TJP3: variants seen among roughly 807,000 people sequenced by gnomAD.
TJP3 encodes tight junction protein 3, also known as tight junction protein ZO-3.
Under a neutral mutation model 104.2 loss-of-function variants are expected in TJP3, and 85 were observed. The observed-to-expected ratio is 0.82, with a 90% CI of 0.68 to 0.98. The LOEUF is 0.98. Among genes scored for constraint, TJP3 ranks in the 50% least tolerant of loss-of-function variants. TJP3 has a pLI of 0.00. For missense variants in TJP3, 1,367 were observed against 1,322.8 expected (o/e 1.03, Z -0.52); for synonymous variants, 550 against 550.6 (o/e 1.00, Z 0.02).
chr19:3,710,806 T>A (rs1175237323), intron 1 of TJP3, among the ~76,000 whole-genome samples: 1 of 151,888 alleles, frequency 6.6e-6, no homozygotes, highest in Non-Finnish European at 1.5e-5. Context: ...GGGCGCATAT[T>A]TTGGTGGGGA....
In TJP3 at chr19:3,736,329, G is replaced by A. The variant is rs111484893; in HGVS notation, c.1284+8G>A. ...GGAGATCAGATTCTGCAGGTGCTCC[G>A]GGGGCGGCTGGCCAGCCCCACTGAT... On this transcript the variant is annotated splice_region_variant and intron_variant, in intron 11 of 20. Coordinates refer to ENST00000541714, the MANE Select transcript of TJP3 (RefSeq NM_001267560.2). The A allele has an allele frequency of 1.9e-5, 29 of 1,519,930 alleles. 2 individuals carry two copies. Among genetic ancestry groups the A allele is most frequent in the African/African-American group, 1.5e-4 (11 of 72,116 alleles). The allele number at this position is 1,519,930 out of a possible 1,614,324, so 94.2% of individuals were successfully genotyped here.
In TJP3 at chr19:3,750,585, C is replaced by T. The variant is rs757872739; in HGVS notation, c.2661C>T (p.Thr887=). The change falls in exon 21 of 21, where the codon ACC becomes ACT. Residue 887 remains threonine, a synonymous_variant. Transcript: ENST00000541714. ...QGQWRQDSMR[T]YEREALKKKF... ...TATTCTATTTCCTGATCCCCAGAAC[C>T]TATGAACGGGAAGCCCTGAAGAAAA... The T allele has an allele frequency of 9.4e-6, 15 of 1,602,536 alleles. No individual in the cohort carries two copies. Among genetic ancestry groups the T allele is most frequent in the Non-Finnish European group, 1.1e-5 (13 of 1,174,000 alleles).
chr19:3,717,827 G>A (rs2145666883), intron 1 of TJP3, among the ~76,000 whole-genome samples: 1 of 151,326 alleles, frequency 6.6e-6, no homozygotes, highest in Non-Finnish European at 1.5e-5. Flanking sequence ...ATGACTTACT[G>A]CAGCCTCCAC....
Position 3,716,839 on chromosome 19 carries a change from G to A in TJP3, c.-10+8278G>A, listed in dbSNP as rs536974123. Among the ~76,000 whole-genome samples the A allele has an allele frequency of 6.4e-5, 8 of 124,422 alleles. 1 individual carries two copies. Among genetic ancestry groups the A allele is most frequent in the South Asian group, 2.8e-4 (1 of 3,558 alleles). 81.6% of individuals were successfully genotyped at this position (124,422 alleles called of 152,430 possible). A position where few individuals can be genotyped will look rare whatever the true frequency, so the allele number is the denominator to read the frequency against. The stretch of plus-strand genomic sequence containing the variant: ...TTTTGAAACAGAGTCTCAGTCTGTC[G>A]CCCAGGTTGGAGACAGTGGCACGAT... On this transcript the variant is annotated intron_variant, in intron 1 of 20. Transcript: ENST00000541714.
intron 1 of TJP3, among the ~76,000 whole-genome samples, chr19:3,717,747 A>G (rs2036494790): frequency 6.6e-6 from 1 of 151,782 alleles, no homozygotes; most frequent in Non-Finnish European, 1.5e-5. Context: ...GATATTTTTA[A>G]AAATTTTTGT....
In TJP3 at chr19:3,720,968, CG is replaced by C. The variant is rs564544697; in HGVS notation, c.-9-7455del. Among the ~76,000 whole-genome samples the C allele has an allele frequency of 5.3e-3, 721 of 135,380 alleles. 8 individuals carry two copies. The highest frequency in any genetic ancestry group is 0.019 in the African/African-American group (674 of 35,914). The allele number at this position is 135,380 out of a possible 152,430, so 88.8% of individuals were successfully genotyped here. A position where few individuals can be genotyped will look rare whatever the true frequency, so the allele number is the denominator to read the frequency against. Reference sequence around the variant, plus strand: ...TGTCGCCCAGACTGGAGTGCAGTGGCGTGATATCAGCTCACCGCAACCTCCG... The same window carrying C: ...TGTCGCCCAGACTGGAGTGCAGTGGCTGATATCAGCTCACCGCAACCTCCG... On this transcript the variant is annotated intron_variant, in intron 1 of 20. Transcript: ENST00000541714.
chr19:3,738,672 G>A lies in TJP3; in HGVS notation c.1393+9G>A, dbSNP rs762221045. ...GCAGAGGAAGCAGGACAGTGAGTGC[G>A]CGTGGATATGGGTGTGCCTGTGTGT... is the stretch of plus-strand genomic sequence containing the variant. On this transcript the variant is annotated intron_variant, in intron 12 of 20. Coordinates refer to ENST00000541714, the MANE Select transcript of TJP3 (RefSeq NM_001267560.2). 23 of 1,608,990 alleles carry A rather than the reference G, an allele frequency of 1.4e-5. No homozygotes were observed. Among genetic ancestry groups the A allele is most frequent in the Admixed American group, 5.0e-5 (3 of 59,916 alleles).
chr19:3,727,979 CCT>C (rs1411387559), intron 1 of TJP3, among the ~76,000 whole-genome samples: 4 of 151,584 alleles, frequency 2.6e-5, no homozygotes, highest in Admixed American at 2.0e-4. Flanking sequence ...GTGACTCACC[CCT>C]GTAATCCCAG....
rs2036664054 is a variant in TJP3, at chr19:3,730,964, CGT to C, written c.613+260_613+261del. On this transcript the variant is annotated intron_variant, in intron 5 of 20. Coordinates refer to ENST00000541714, the MANE Select transcript of TJP3 (RefSeq NM_001267560.2). This position sits in a 1 kb window ranked among gnomAD's most constrained non-coding sequence, Gnocchi z 7.3. ...CCATAGTGCTTGCTGGGATTGTGGGCGTGAGCCACCGCGCCCAGCCTGGAAGC... is the reference window on the plus strand; with the variant it reads ...CCATAGTGCTTGCTGGGATTGTGGGCGAGCCACCGCGCCCAGCCTGGAAGC... 6.6e-6 allele frequency among the ~76,000 whole-genome samples: 1 copy of C among 152,096 alleles called. No individual in the cohort carries two copies. The highest frequency in any genetic ancestry group is 2.1e-4 in the South Asian group (1 of 4,830).
rs374009547 is a variant in TJP3, at chr19:3,730,365, G to A, written c.272G>A (p.Arg91His). The A allele has an allele frequency of 3.1e-5, 48 of 1,530,562 alleles. No homozygotes were observed. The highest frequency in any genetic ancestry group is 2.3e-4 in the African/African-American group (17 of 72,660). The allele number at this position is 1,530,562 out of a possible 1,614,324, so 94.8% of individuals were successfully genotyped here. ...CCCCTCCTCTAACAGACAGTGAAAC[G>A]TCCCCGGAGGATCCACCTGCCCGCC... ...CTKMANITVK[R>H]PRRIHLPATK... Residue 91 changes from arginine (R) to histidine (H), a missense_variant, in exon 5 of 21, where the codon CGT (arginine) becomes CAT (histidine). Coordinates refer to ENST00000541714, the MANE Select transcript of TJP3 (RefSeq NM_001267560.2). The surrounding 1 kb of genome is among the most constrained non-coding windows in gnomAD (Gnocchi z 7.3).
chr19:3,711,855 T>A (rs919710999), intron 1 of TJP3, among the ~76,000 whole-genome samples: 7 of 152,092 alleles, frequency 4.6e-5, no homozygotes, highest in East Asian at 1.9e-4. Flanking sequence ...TTCTTTTTTT[T>A]AAAAATTGAA....
rs201734783 is a variant in TJP3, at chr19:3,740,514, T to C, written c.1632-38T>C. On this transcript the variant is annotated intron_variant, in intron 13 of 20. Transcript: ENST00000541714. ...GACGTCTTTGGGGCCACCATGCTGCTGACCCCAGTGCTCAGTACTGTCCCC... is the reference window on the plus strand; with the variant it reads ...GACGTCTTTGGGGCCACCATGCTGCCGACCCCAGTGCTCAGTACTGTCCCC... 1.4e-4 allele frequency: 185 copies of C among 1,290,878 alleles called. 2 individuals carry two copies. In the Admixed American group the frequency reaches 2.9e-3, roughly 20 times the overall value. The allele number at this position is 1,290,878 out of a possible 1,614,324, so 80.0% of individuals were successfully genotyped here. A position where few individuals can be genotyped will look rare whatever the true frequency, so the allele number is the denominator to read the frequency against.
chr19:3,724,546 AT>A (rs1260703861), intron 1 of TJP3, among the ~76,000 whole-genome samples: 3 of 145,948 alleles, frequency 2.1e-5, no homozygotes, highest in East Asian at 2.1e-4. Context: ...CCATTTAAAA[AT>A]TTTTTTTGAG....
rs748709860 is a variant in TJP3 at position 3,733,888 on chromosome 19, G to T, written c.853G>T (p.Asp285Tyr). 3.7e-5 allele frequency: 60 copies of T among 1,614,120 alleles called. No individual in the cohort carries two copies. Among genetic ancestry groups the T allele is most frequent in the Non-Finnish European group, 5.1e-5 (60 of 1,179,974 alleles). The part of the protein sequence containing the change: ...FLVNIPPAVS[D>Y]SDSSPLEDIS... ...GGTGAACATTCCGCCTGCTGTCAGT[G>T]ACAGCGACAGCTCGCCATTGGAGGG... The change falls in exon 7 of 21, where the codon GAC (aspartate) becomes TAC (tyrosine). Residue 285 changes from aspartate to tyrosine, a missense_variant. Coordinates refer to ENST00000541714, the MANE Select transcript of TJP3 (RefSeq NM_001267560.2).
chr19:3,731,793 C>T (rs959578581), intron 5 of TJP3, 142 bp from the exon 6 acceptor site: 33 of 598,308 alleles, frequency 5.5e-5, no homozygotes, highest in South Asian at 1.4e-4. Context: ...TCGGGTCCTA[C>T]GGGCGACATC....
Position 3,740,121 on chromosome 19 carries a change from A to C in TJP3, c.1632-431A>C, listed in dbSNP as rs2036793268. On this transcript the variant is annotated intron_variant, in intron 13 of 20. Coordinates refer to ENST00000541714, the MANE Select transcript of TJP3 (RefSeq NM_001267560.2). ...GTGGTGCATACCTGTAATCCCAGCT[A>C]CTTGGGAGGCTGAGGCATGAGAATC... Among the ~76,000 whole-genome samples, 4 of 152,118 alleles carry C rather than the reference A, an allele frequency of 2.6e-5. No homozygotes were observed. The South Asian group carries it at 8.3e-4, about 32-fold the overall frequency.
intron 6 of TJP3, among the ~76,000 whole-genome samples, chr19:3,732,627 AG>A (rs2036686051): frequency 6.6e-6 from 1 of 151,030 alleles, no homozygotes; most frequent in African/African-American, 2.4e-5. Flanking sequence ...CTCCTGCCTT[AG>A]CCTCCCGAGT....
chr19:3,746,556 T>C lies in TJP3; in HGVS notation c.2082T>C (p.Ile694=), dbSNP rs1462267800. ...TCAACTATGTGCAGTACTACCCCAT[T>C]GTGGTCTTCTTCATCCCCGAGAGCC... ...ERLNYVQYYP[I]VVFFIPESRP... is the part of the protein sequence containing the mutation. The change falls in exon 17 of 21, where the codon ATT becomes ATC. Residue 694 remains isoleucine, a synonymous_variant. Transcript: ENST00000541714. This position sits in a 1 kb window ranked among gnomAD's most constrained non-coding sequence, Gnocchi z 4.1. The C allele has an allele frequency of 6.2e-7, 1 of 1,614,004 alleles. No homozygotes were observed. The highest frequency in any genetic ancestry group is 1.1e-5 in the South Asian group (1 of 91,086).
Position 3,740,541 on chromosome 19 carries a change from C to T in TJP3, c.1632-11C>T. 1.4e-6 allele frequency: 2 copies of T among 1,444,232 alleles called. No individual in the cohort carries two copies. The highest frequency in any genetic ancestry group is 1.8e-6 in the Non-Finnish European group (2 of 1,097,916). The allele number at this position is 1,444,232 out of a possible 1,614,324, so 89.5% of individuals were successfully genotyped here. On this transcript the variant is annotated splice_polypyrimidine_tract_variant and intron_variant, in intron 13 of 20. Coordinates refer to ENST00000541714, the MANE Select transcript of TJP3 (RefSeq NM_001267560.2). Reference sequence around the variant, plus strand: ...ACCCCAGTGCTCAGTACTGTCCCCTCTTCTCCCCAGGGCGGAGCAGCTGGC... The same window carrying T: ...ACCCCAGTGCTCAGTACTGTCCCCTTTTCTCCCCAGGGCGGAGCAGCTGGC...
Sources: allele counts gnomAD v4.1 joint callset (sites outside exome capture counted in the v4.1 genomes callset), GRCh38; gene constraint gnomAD v4.1.1; non-coding constraint Gnocchi (gnomAD v3.1); transcripts MANE v1.5; gene names NCBI Gene and HGNC (gene_info 2026-07-23, HGNC 2026-07-21).